HHAT: variants seen among roughly 807,000 people sequenced by gnomAD.
HHAT encodes protein-cysteine N-palmitoyltransferase HHAT.
Under a neutral mutation model 70.8 loss-of-function variants are expected in HHAT, and 47 were observed. That is an observed-to-expected ratio of 0.66 (90% confidence interval 0.53 to 0.85). The LOEUF (loss-of-function observed/expected upper bound fraction) is 0.85, where lower values mean the gene tolerates loss of function less well. HHAT is among the 40% of genes least tolerant of loss of function. The pLI is 0.00. For synonymous variants in HHAT, 228 were observed against 247.6 expected (o/e 0.92, Z 0.74); for missense variants, 609 against 604.8 (o/e 1.01, Z -0.07).
At chr1:210,671,100 G>T (rs1679982532) in intron 11 of HHAT, among the ~76,000 whole-genome samples, 1 of 152,144 alleles carries the variant, frequency 6.6e-6, no homozygotes, top group Non-Finnish European at 1.5e-5. Context: ...GCTTTCACAG[G>T]GTGTCACTTG....
At chr1:210,343,380 T>G (rs972275292) in intron 1 of HHAT, among the ~76,000 whole-genome samples, 1 of 152,210 alleles carries the variant, frequency 6.6e-6, no homozygotes, top group South Asian at 2.1e-4. Context: ...GCCTTCGTCC[T>G]CCTTCCTTCA....
At chr1:210,540,121 A>C (rs2095413105) in intron 9 of HHAT, among the ~76,000 whole-genome samples, 2 of 150,056 alleles carry the variant, frequency 1.3e-5, no homozygotes, top group South Asian at 4.4e-4. Flanking sequence ...TGGTTACTCT[A>C]GTGACATAGA....
At chr1:210,374,039 C>T (rs905946996) in intron 3 of HHAT, 11 of 152,354 alleles carry the variant, frequency 7.2e-5, no homozygotes, top group Non-Finnish European at 1.5e-4. Context: ...CAAGAGTTAA[C>T]TGTCTTTGCA....
chr1:210,581,629 G>A (rs1659283678), intron 9 of HHAT, among the ~76,000 whole-genome samples: 1 of 152,190 alleles, frequency 6.6e-6, no homozygotes, highest in South Asian at 2.1e-4. Flanking sequence ...TAGTTCCAGA[G>A]GTGTGGTGAC....
chr1:210,579,143 G>A lies in HHAT; in HGVS notation c.1044-8755G>A, dbSNP rs891983818. On this transcript the variant is annotated intron_variant, in intron 9 of 11. Coordinates refer to ENST00000261458, the MANE Select transcript of HHAT (RefSeq NM_018194.6). ...AGGGGAATGACAGACACGGGAGATGGAGGGTGGGAGGAGGGAGAGAATCAG... is the reference window on the plus strand; with the variant it reads ...AGGGGAATGACAGACACGGGAGATGAAGGGTGGGAGGAGGGAGAGAATCAG... 4.6e-5 allele frequency among the ~76,000 whole-genome samples: 7 copies of A among 152,156 alleles called. No homozygotes were observed. In the South Asian group the frequency reaches 8.3e-4, roughly 18 times the overall value.
At chr1:210,443,028 A>G (rs192257971) in intron 7 of HHAT, among the ~76,000 whole-genome samples, 35,455 of 151,806 alleles carry the variant, frequency 0.23, 4,471 homozygotes, top group Admixed American at 0.36. Context: ...TGATTTTTGT[A>G]TAAGGAAGGG....
intron 8 of HHAT, among the ~76,000 whole-genome samples, chr1:210,476,158 T>A (rs2094303496): frequency 6.6e-6 from 1 of 152,250 alleles, no homozygotes; most frequent in South Asian, 2.1e-4. Flanking sequence ...CTTATCCTTT[T>A]TGTGAGTCCT....
At chr1:210,471,400 T>C (rs1440458658) in intron 8 of HHAT, among the ~76,000 whole-genome samples, 1 of 151,874 alleles carries the variant, frequency 6.6e-6, no homozygotes, top group Non-Finnish European at 1.5e-5. Context: ...TTGTGCCACA[T>C]CCTAGATAAG....
At position 210,381,197 on chromosome 1, in the gene HHAT, C is replaced by A. The variant is rs566453897; in HGVS notation, c.160-6271C>A. 1.2e-3 allele frequency among the ~76,000 whole-genome samples: 186 copies of A among 151,982 alleles called. 1 individual carries two copies. The highest frequency in any genetic ancestry group is 2.6e-4 in the Non-Finnish European group (18 of 67,988). ...AGCCTAATTGATATGCTGTGATTGACTATATGAAGCAGCATATACTAGATG... is the reference window on the plus strand; with the variant it reads ...AGCCTAATTGATATGCTGTGATTGAATATATGAAGCAGCATATACTAGATG... On this transcript the variant is annotated intron_variant, in intron 3 of 11. Transcript: ENST00000261458.
intron 9 of HHAT, among the ~76,000 whole-genome samples, chr1:210,544,367 G>GTTTTT (rs569514246): frequency 1.4e-4 from 13 of 90,056 alleles, no homozygotes; most frequent in African/African-American, 4.3e-4. Flanking sequence ...TCTTTCTTTC[G>GTTTTT]TTTTTTTTTT....
intron 3 of HHAT, among the ~76,000 whole-genome samples, chr1:210,379,069 G>A (rs2090440224): frequency 6.6e-6 from 1 of 152,218 alleles, no homozygotes; most frequent in Non-Finnish European, 1.5e-5. Context: ...TGAGCTACCA[G>A]AAACAGTTCC....
intron 11 of HHAT, among the ~76,000 whole-genome samples, chr1:210,646,253 T>G (rs1230204688): frequency 2.6e-5 from 4 of 152,226 alleles, no homozygotes; most frequent in African/African-American, 9.6e-5. Flanking sequence ...AGCTGGACTT[T>G]AAGGCCTATT....
intron 3 of HHAT, among the ~76,000 whole-genome samples, chr1:210,370,949 A>G (rs1442162218): frequency 6.6e-6 from 1 of 152,064 alleles, no homozygotes; most frequent in East Asian, 1.9e-4. Flanking sequence ...GAGAGCTACA[A>G]TTCCTATTCC....
Position 210,473,029 on chromosome 1 carries a change from A to T in HHAT, c.1007+8374A>T, listed in dbSNP as rs546364007. On this transcript the variant is annotated intron_variant, in intron 8 of 11. Coordinates refer to ENST00000261458, the MANE Select transcript of HHAT (RefSeq NM_018194.6). ...GCAAATATATCCTCTTCAGACCTTT[A>T]AAAGGTGCTCAACTCTCAGCCAATC... 5.9e-5 allele frequency among the ~76,000 whole-genome samples: 9 copies of T among 152,312 alleles called. No homozygotes were observed. In the East Asian group the frequency reaches 1.5e-3, roughly 26 times the overall value.
chr1:210,641,244 C>T (rs1200703083), intron 11 of HHAT, among the ~76,000 whole-genome samples: 1 of 152,122 alleles, frequency 6.6e-6, no homozygotes, highest in Non-Finnish European at 1.5e-5. Flanking sequence ...GGAAGACTCC[C>T]AGGAACATAT....
At chr1:210,620,252 T>C (rs1376983568) in intron 10 of HHAT, among the ~76,000 whole-genome samples, 1 of 152,212 alleles carries the variant, frequency 6.6e-6, no homozygotes, top group Non-Finnish European at 1.5e-5. Flanking sequence ...ATTTTGTCCA[T>C]ATGACCTGTT....
chr1:210,410,525 T>A (rs1210975040), intron 6 of HHAT, among the ~76,000 whole-genome samples: 1 of 50,154 alleles, frequency 2.0e-5, no homozygotes, highest in Non-Finnish European at 4.7e-5. Flanking sequence ...ATTTGTAAAT[T>A]TTTTTTTTTT....
intron 1 of HHAT, among the ~76,000 whole-genome samples, chr1:210,342,244 A>G (rs684767): frequency 0.76 from 114,965 of 152,076 alleles, 44,586 homozygotes; most frequent in African/African-American, 0.93. Flanking sequence ...AGCTTCATTC[A>G]AATAATTTTA....
intron 11 of HHAT, among the ~76,000 whole-genome samples, chr1:210,624,099 G>T (rs7514305): frequency 0.57 from 87,082 of 151,806 alleles, 26,099 homozygotes; most frequent in East Asian, 0.82. Context: ...GGGTCTGCCC[G>T]CATGAATGGA....
Sources: gnomAD v4.1 joint callset for allele counts (sites outside exome capture counted in the v4.1 genomes callset) on GRCh38, gnomAD v4.1.1 for gene constraint, MANE v1.5 for transcripts, NCBI Gene and HGNC (gene_info 2026-07-23, HGNC 2026-07-21) for gene names.